ZBTB20: variants seen among roughly 807,000 people sequenced by gnomAD.
ZBTB20 encodes the protein zinc finger and BTB domain containing 20, also known as zinc finger and BTB domain-containing protein 20.
Under a neutral mutation model 56.9 loss-of-function variants are expected in ZBTB20, and 9 were observed. That is an observed-to-expected ratio of 0.16 (90% confidence interval 0.10 to 0.28). The LOEUF (loss-of-function observed/expected upper bound fraction) is 0.28. ZBTB20 is among the 10% of genes least tolerant of loss of function. ZBTB20 has a pLI of 1.00. For missense variants in ZBTB20, 655 were observed against 1,003.0 expected (o/e 0.65, Z 4.69); for synonymous variants, 417 against 420.7 (o/e 0.99, Z 0.11).
chr3:114,353,189 G>A (rs116385513), intron 10 of ZBTB20, among the ~76,000 whole-genome samples: 2,292 of 152,230 alleles, frequency 0.015, 31 homozygotes, highest in South Asian at 0.067. Flanking sequence ...AAATAAGTGG[G>A]CTTTCAAAAC....
intron 4 of ZBTB20, among the ~76,000 whole-genome samples, chr3:114,870,102 T>C (rs2075934106): frequency 6.6e-6 from 1 of 152,144 alleles, no homozygotes; most frequent in Non-Finnish European, 1.5e-5. Context: ...AAAGCTATCC[T>C]ACCTGAACTT....
intron 6 of ZBTB20, among the ~76,000 whole-genome samples, chr3:114,667,985 A>C (rs1298186728): frequency 6.6e-6 from 1 of 152,002 alleles, no homozygotes; most frequent in Non-Finnish European, 1.5e-5. Context: ...ATTTCTGATA[A>C]ATTCCATGAA....
chr3:114,580,384 C>T (rs2054528065), intron 6 of ZBTB20, among the ~76,000 whole-genome samples: 1 of 151,700 alleles, frequency 6.6e-6, no homozygotes, highest in South Asian at 2.1e-4. Flanking sequence ...ATTTCGATTT[C>T]TCAAAATCCC....
At position 114,380,332 on chromosome 3, in the gene ZBTB20, G is replaced by A. The variant is rs748813234; in HGVS notation, c.84C>T (p.Ser28=). 7.2e-6 allele frequency: 11 copies of A among 1,537,200 alleles called. No homozygotes were observed. The highest frequency in any genetic ancestry group is 2.4e-5 in the South Asian group (2 of 84,058). Residue 28 remains serine, a synonymous_variant, in exon 10 of 12, where the codon AGC becomes AGT. Coordinates refer to ENST00000675478, the MANE Select transcript of ZBTB20 (RefSeq NM_001348800.3). The part of the protein sequence containing the change: ...ENEITQPGGS[S]AKPGLPCLNF... The stretch of plus-strand genomic sequence containing the variant: ...TCAGGCAGGGAAGGCCCGGCTTGGC[G>A]CTGGATCCACCCGGCTGAGTAATCT...
chr3:114,438,435 C>A (rs4682161), intron 7 of ZBTB20, among the ~76,000 whole-genome samples: 118,626 of 145,404 alleles, frequency 0.82, 48,517 homozygotes, highest in Middle Eastern at 0.91. Flanking sequence ...ACAAAAAAAA[C>A]CAAAAAAAAA....
At chr3:114,745,741 A>G (rs1402465829) in intron 5 of ZBTB20, among the ~76,000 whole-genome samples, 1 of 152,192 alleles carries the variant, frequency 6.6e-6, no homozygotes, top group East Asian at 1.9e-4. Context: ...ACTTATTCCT[A>G]GAATAGGAAA....
At chr3:114,808,790 T>C (rs759579382) in intron 4 of ZBTB20, among the ~76,000 whole-genome samples, 4 of 152,098 alleles carry the variant, frequency 2.6e-5, no homozygotes, top group Non-Finnish European at 4.4e-5. Flanking sequence ...TCCTTTTGTT[T>C]AGGTGAATTT....
chr3:114,849,496 A>G (rs1579148310), intron 4 of ZBTB20, among the ~76,000 whole-genome samples: 2 of 152,218 alleles, frequency 1.3e-5, no homozygotes, highest in Non-Finnish European at 2.9e-5. Flanking sequence ...ATAGCAAACT[A>G]TAAGTCTTAC....
chr3:115,045,446 A>G (rs937685271), intron 2 of ZBTB20, among the ~76,000 whole-genome samples: 1 of 152,072 alleles, frequency 6.6e-6, no homozygotes, highest in Non-Finnish European at 1.5e-5. Flanking sequence ...AATTAAACAA[A>G]TAAAAAGTCA....
intron 7 of ZBTB20, among the ~76,000 whole-genome samples, chr3:114,488,799 G>T (rs182104277): frequency 1.2e-4 from 18 of 152,300 alleles, no homozygotes; most frequent in Admixed American, 1.2e-3. Context: ...TTAGTAAGAA[G>T]AAAGTTCCAA....
At chr3:114,700,216 TC>T (rs2063311615) in intron 5 of ZBTB20, among the ~76,000 whole-genome samples, 1 of 152,096 alleles carries the variant, frequency 6.6e-6, no homozygotes, top group African/African-American at 2.4e-5. Flanking sequence ...TTCTTCCTTC[TC>T]TCTCTCTTTT....
intron 6 of ZBTB20, among the ~76,000 whole-genome samples, chr3:114,679,564 C>T (rs961549225): frequency 1.3e-5 from 2 of 152,056 alleles, no homozygotes; most frequent in African/African-American, 4.8e-5. Context: ...TAGAGAAATG[C>T]AAATCAAAAT....
At chr3:114,395,356 GA>G (rs1248441234) in intron 7 of ZBTB20, among the ~76,000 whole-genome samples, 11 of 152,114 alleles carry the variant, frequency 7.2e-5, no homozygotes, top group Non-Finnish European at 1.6e-4. Flanking sequence ...GACCTCCGAT[GA>G]GACATTTAAC....
chr3:114,757,083 G>A (rs2068062283), intron 5 of ZBTB20, among the ~76,000 whole-genome samples: 2 of 152,072 alleles, frequency 1.3e-5, no homozygotes, highest in South Asian at 4.1e-4. Flanking sequence ...GCCTCCGCAT[G>A]TCTCTTGCAA....
chr3:114,757,078 C>T lies in ZBTB20; in HGVS notation c.-343+44023G>A, dbSNP rs115481796. On this transcript the variant is annotated intron_variant, in intron 5 of 11. Transcript: ENST00000675478. ...CAGAAGGGCTCTTTAGTCTGGCCTC[C>T]GCATGTCTCTTGCAACTCATTTGTA... is the stretch of plus-strand genomic sequence containing the variant. Among the ~76,000 whole-genome samples the T allele has an allele frequency of 2.2e-3, 336 of 152,192 alleles. 1 individual carries two copies. Among genetic ancestry groups the T allele is most frequent in the African/African-American group, 7.1e-3 (293 of 41,540 alleles).
chr3:114,378,678 G>A (rs1250597726), intron 10 of ZBTB20, among the ~76,000 whole-genome samples: 1 of 152,256 alleles, frequency 6.6e-6, no homozygotes, highest in Admixed American at 6.5e-5. Context: ...AGACCTGCAT[G>A]TAGAAACTCC....
At chr3:114,506,783 TC>T (rs2044664408) in intron 6 of ZBTB20, among the ~76,000 whole-genome samples, 1 of 152,166 alleles carries the variant, frequency 6.6e-6, no homozygotes, top group Admixed American at 6.5e-5. Context: ...CCAAGACCTT[TC>T]ACAATCTGGC....
At chr3:114,845,390 A>C (rs977151469) in intron 4 of ZBTB20, among the ~76,000 whole-genome samples, 4 of 149,402 alleles carry the variant, frequency 2.7e-5, no homozygotes, top group Non-Finnish European at 4.4e-5. Context: ...AATTTATTAA[A>C]TCTTGTTAAA....
At chr3:114,789,200 A>G (rs1326057619) in intron 5 of ZBTB20, among the ~76,000 whole-genome samples, 3 of 152,170 alleles carry the variant, frequency 2.0e-5, no homozygotes, top group African/African-American at 7.2e-5. Flanking sequence ...TTAGCTTAAC[A>G]TATGTGTTTG....
Sources: gnomAD v4.1 joint callset for allele counts (sites outside exome capture counted in the v4.1 genomes callset) on GRCh38, gnomAD v4.1.1 for gene constraint, MANE v1.5 for transcripts, NCBI Gene and HGNC (gene_info 2026-07-23, HGNC 2026-07-21) for gene names.